The following IQGAP2 variants were observed in gnomAD, a reference collection of about 807,000 sequenced individuals.
The protein encoded by IQGAP2 is ras GTPase-activating-like protein IQGAP2.
IQGAP2 carries 173 observed loss-of-function variants against 201.3 expected under a neutral mutation model. The observed-to-expected ratio is 0.86, with a 90% CI of 0.76 to 0.98. The LOEUF is 0.98. Ranked by LOEUF, IQGAP2 falls within the 50% of genes least tolerant of loss-of-function variation. The pLI is 0.00. For missense variants in IQGAP2, 1,687 were observed against 1,864.8 expected (o/e 0.90, Z 1.76); for synonymous variants, 675 against 673.9 (o/e 1.00, Z -0.03).
chr5:76,632,034 G>T lies in IQGAP2; in HGVS notation c.1780+8G>T, dbSNP rs201740802. Reference sequence around the variant, plus strand: ...AGCTCAAATCTGAAAGAGGTAAGTTGGTTTGTTACTTTAGCACAAACTAAG... The same window carrying T: ...AGCTCAAATCTGAAAGAGGTAAGTTTGTTTGTTACTTTAGCACAAACTAAG... On this transcript the variant is annotated splice_region_variant and intron_variant, in intron 15 of 35. Coordinates refer to ENST00000274364, the MANE Select transcript of IQGAP2 (RefSeq NM_006633.5). The T allele has an allele frequency of 2.4e-4, 387 of 1,590,702 alleles. No homozygotes were observed. Among genetic ancestry groups the T allele is most frequent in the Non-Finnish European group, 3.1e-4 (362 of 1,169,780 alleles).
chr5:76,518,392 G>A (rs569453982), intron 2 of IQGAP2, among the ~76,000 whole-genome samples: 1 of 152,300 alleles, frequency 6.6e-6, no homozygotes, highest in African/African-American at 2.4e-5. Flanking sequence ...GCTTGTGCAG[G>A]AGAACTCCTC....
intron 4 of IQGAP2, among the ~76,000 whole-genome samples, chr5:76,573,259 A>G (rs1375759072): frequency 6.6e-6 from 1 of 152,246 alleles, no homozygotes; most frequent in Non-Finnish European, 1.5e-5. Context: ...GTGGTGTTAT[A>G]GAGCAGATTT....
Position 76,596,028 on chromosome 5 carries a change from G to T in IQGAP2, c.908-1411G>T, listed in dbSNP as rs573711280. On this transcript the variant is annotated intron_variant, in intron 9 of 35. Coordinates refer to ENST00000274364, the MANE Select transcript of IQGAP2 (RefSeq NM_006633.5). The stretch of plus-strand genomic sequence containing the variant: ...TAATTTTAAAGATAGAAATGCTAAG[G>T]TTCTCAGGGTCCTTTAGGTTAAGTG... Among the ~76,000 whole-genome samples, 21 of 152,224 alleles carry T rather than the reference G, an allele frequency of 1.4e-4. No individual in the cohort carries two copies. In the East Asian group the frequency reaches 3.1e-3, roughly 22 times the overall value.
chr5:76,445,381 T>G (rs183160999), intron 1 of IQGAP2, among the ~76,000 whole-genome samples: 1,716 of 152,226 alleles, frequency 0.011, 36 homozygotes, highest in African/African-American at 0.039. Flanking sequence ...AGTTAATATT[T>G]GCAAAGAATT....
intron 20 of IQGAP2, among the ~76,000 whole-genome samples, chr5:76,656,119 T>G (rs1420447631): frequency 6.6e-6 from 1 of 152,254 alleles, no homozygotes; most frequent in East Asian, 1.9e-4. Flanking sequence ...CAGAATCTAC[T>G]GAATAATGTC....
rs771031364 is a variant in IQGAP2 at position 76,689,578 on chromosome 5, T to C, written c.3906-3777T>C. 5.9e-5 allele frequency among the ~76,000 whole-genome samples: 9 copies of C among 152,290 alleles called. No individual in the cohort carries two copies. The Middle Eastern group carries it at 0.01, about 173-fold the overall frequency. On this transcript the variant is annotated intron_variant, in intron 30 of 35. Transcript: ENST00000274364. ...ATGTGTGTTTAAGTAGAAGGCAATA[T>C]TTGTGGTTTTTAATCATACTTAGCT...
At chr5:76,629,989 A>C (rs1288245561) in intron 14 of IQGAP2, among the ~76,000 whole-genome samples, 9 of 152,184 alleles carry the variant, frequency 5.9e-5, no homozygotes, top group Non-Finnish European at 1.3e-4. Flanking sequence ...CATTGAAGTT[A>C]ATCTACTTTA....
intron 1 of IQGAP2, among the ~76,000 whole-genome samples, chr5:76,411,513 G>A (rs758489463): frequency 6.6e-6 from 1 of 152,208 alleles, no homozygotes; most frequent in Non-Finnish European, 1.5e-5. Flanking sequence ...GGAGCCTAAT[G>A]AGTGGTGATT....
Position 76,654,284 on chromosome 5 carries a change from C to A in IQGAP2, c.2250+13C>A, listed in dbSNP as rs748553889. 13 of 1,563,074 alleles carry A rather than the reference C, an allele frequency of 8.3e-6. No homozygotes were observed. Among genetic ancestry groups the A allele is most frequent in the African/African-American group, 8.2e-5 (6 of 73,482 alleles). On this transcript the variant is annotated intron_variant, in intron 19 of 35. Coordinates refer to ENST00000274364, the MANE Select transcript of IQGAP2 (RefSeq NM_006633.5). ...TTTCAGAGATCATGTAAGAAAAATGCCTGTGGGATTTTATCCAGGTTGATA... is the reference window on the plus strand; with the variant it reads ...TTTCAGAGATCATGTAAGAAAAATGACTGTGGGATTTTATCCAGGTTGATA...
intron 30 of IQGAP2, among the ~76,000 whole-genome samples, chr5:76,691,020 A>G (rs1422579862): frequency 1.3e-5 from 2 of 152,268 alleles, no homozygotes; most frequent in Non-Finnish European, 2.9e-5. Flanking sequence ...TACAAGGATT[A>G]TATAACTTGC....
At position 76,659,199 on chromosome 5, in the gene IQGAP2, G is replaced by A. The variant is rs534434309; in HGVS notation, c.2529+532G>A. Among the ~76,000 whole-genome samples the A allele has an allele frequency of 2.0e-5, 3 of 152,072 alleles. 1 individual carries two copies. Among genetic ancestry groups the A allele is most frequent in the African/African-American group, 4.8e-5 (2 of 41,404 alleles). Reference sequence around the variant, plus strand: ...CCGCCCATTTATAACATTTTGTAAGGCTTCTTTATCATTCTGAAATGAAAT... The same window carrying A: ...CCGCCCATTTATAACATTTTGTAAGACTTCTTTATCATTCTGAAATGAAAT... On this transcript the variant is annotated intron_variant, in intron 21 of 35. Transcript: ENST00000274364.
intron 1 of IQGAP2, among the ~76,000 whole-genome samples, chr5:76,408,047 C>G (rs954432881): frequency 3.3e-5 from 5 of 151,832 alleles, no homozygotes; most frequent in Non-Finnish European, 7.4e-5. Context: ...AGGAGAATCC[C>G]AAATAGGGGA....
At chr5:76,620,544 G>A (rs143558692) in intron 13 of IQGAP2, among the ~76,000 whole-genome samples, 4 of 152,298 alleles carry the variant, frequency 2.6e-5, no homozygotes, top group African/African-American at 9.6e-5. Context: ...AGTTGCTGGT[G>A]GAATATTAGT....
Position 76,654,925 on chromosome 5 carries a change from C to G in IQGAP2, c.2251-9C>G, listed in dbSNP as rs756917580. ...CTGGGAGATCAAGACTTGTCTTAAT[C>G]TTTTGCAGAATAATGAAATTGTGAA... On this transcript the variant is annotated splice_polypyrimidine_tract_variant and intron_variant, in intron 19 of 35. Coordinates refer to ENST00000274364, the MANE Select transcript of IQGAP2 (RefSeq NM_006633.5). 4 of 1,599,728 alleles carry G rather than the reference C, an allele frequency of 2.5e-6. No individual in the cohort carries two copies. Among genetic ancestry groups the G allele is most frequent in the Admixed American group, 3.3e-5 (2 of 59,876 alleles).
chr5:76,540,831 G>A (rs1385482039), intron 2 of IQGAP2, among the ~76,000 whole-genome samples: 5 of 152,156 alleles, frequency 3.3e-5, no homozygotes, highest in South Asian at 2.1e-4. Flanking sequence ...TTCCTTTAGA[G>A]CAGCAAGGTT....
chr5:76,492,079 C>T (rs1756584612), intron 2 of IQGAP2, among the ~76,000 whole-genome samples: 1 of 152,122 alleles, frequency 6.6e-6, no homozygotes. Context: ...ACATCATAAG[C>T]AGGTTATCAG....
At chr5:76,426,905 GGTGTGTGTGTGTGT>G (rs141560559) in intron 1 of IQGAP2, among the ~76,000 whole-genome samples, 3 of 146,586 alleles carry the variant, frequency 2.0e-5, no homozygotes, top group African/African-American at 2.5e-5. Flanking sequence ...AACCATGGAG[GGTGTGTGTGTGTGT>G]GTGTGTGTGT....
At chr5:76,478,153 A>T (rs1169482532) in intron 2 of IQGAP2, among the ~76,000 whole-genome samples, 5 of 152,164 alleles carry the variant, frequency 3.3e-5, no homozygotes, top group Non-Finnish European at 7.4e-5. Flanking sequence ...TAATCCCAGC[A>T]CTTTGGGAGG....
chr5:76,646,784 A>T (rs1352046515), intron 17 of IQGAP2, among the ~76,000 whole-genome samples: 1 of 152,054 alleles, frequency 6.6e-6, no homozygotes, highest in Non-Finnish European at 1.5e-5. Context: ...ATCTTTTTCC[A>T]TTTATTAATC....
Sources: allele counts gnomAD v4.1 joint callset (sites outside exome capture counted in the v4.1 genomes callset), GRCh38; gene constraint gnomAD v4.1.1; transcripts MANE v1.5; gene names NCBI Gene and HGNC (gene_info 2026-07-23, HGNC 2026-07-21).